PLXDC2: variants seen among roughly 807,000 people sequenced by gnomAD.
PLXDC2 encodes plexin domain containing 2.
In PLXDC2, 40 loss-of-function variants were observed where a neutral mutation model predicts 68.9. That is an observed-to-expected ratio of 0.58 (90% CI 0.45 to 0.76). The LOEUF is 0.76. PLXDC2 is among the 30% of genes least tolerant of loss of function. PLXDC2 has a pLI of 0.00. For missense variants in PLXDC2, 644 were observed against 661.9 expected (o/e 0.97, Z 0.30); for synonymous variants, 243 against 234.2 (o/e 1.04, Z -0.34).
chr10:19,879,141 C>T (rs1837684106), intron 1 of PLXDC2, among the ~76,000 whole-genome samples: 1 of 152,170 alleles, frequency 6.6e-6, no homozygotes, highest in Non-Finnish European at 1.5e-5. Flanking sequence ...GGAAAAATAA[C>T]ATCCCTTCAT....
At position 20,001,821 on chromosome 10, in the gene PLXDC2, G is replaced by C; in HGVS notation, c.159G>C (p.Glu53Asp). 1 of 1,614,072 alleles carries C rather than the reference G, an allele frequency of 6.2e-7. No homozygotes were observed. Among genetic ancestry groups the C allele is most frequent in the Non-Finnish European group, 8.5e-7 (1 of 1,179,998 alleles). Residue 53 changes from glutamate to aspartate, a missense_variant, in exon 2 of 14, where the codon GAG becomes GAC. Glu to Asp is a conservative substitution (Grantham distance 45). This residue lies in a region of PLXDC2 where 201 missense variants were observed against 166.9 expected (regional missense o/e 1.20). Coordinates refer to ENST00000377252, the MANE Select transcript of PLXDC2 (RefSeq NM_032812.9). Reference sequence around the variant, plus strand: ...AGGCCTTCCCTCACACAGAGGAGGAGGTGGAAGTTGATTCACACGCGTACA... The same window carrying C: ...AGGCCTTCCCTCACACAGAGGAGGACGTGGAAGTTGATTCACACGCGTACA... ...VTQAFPHTEE[E>D]VEVDSHAYSH...
At chr10:20,139,953 T>C (rs912022893) in intron 4 of PLXDC2, among the ~76,000 whole-genome samples, 1 of 152,076 alleles carries the variant, frequency 6.6e-6, no homozygotes, top group Non-Finnish European at 1.5e-5. Flanking sequence ...TGTATACCTA[T>C]GTAACAAACC....
intron 13 of PLXDC2, among the ~76,000 whole-genome samples, chr10:20,259,188 A>T (rs952158033): frequency 6.6e-6 from 1 of 152,158 alleles, no homozygotes. Context: ...ATCTCAGCAC[A>T]TAGCAGAACA....
At chr10:20,279,109 T>G (rs920109686) in intron 13 of PLXDC2, among the ~76,000 whole-genome samples, 1 of 152,210 alleles carries the variant, frequency 6.6e-6, no homozygotes, top group Non-Finnish European at 1.5e-5. Context: ...TTTTAGGATA[T>G]AACAGCTTTA....
At chr10:19,839,766 A>G (rs1016768911) in intron 1 of PLXDC2, among the ~76,000 whole-genome samples, 2 of 152,132 alleles carry the variant, frequency 1.3e-5, no homozygotes, top group African/African-American at 4.8e-5. Context: ...ATTAATGTGT[A>G]ACGGCAGACT....
In PLXDC2 at chr10:19,850,119, G is replaced by A. The variant is rs1258616729; in HGVS notation, c.112+32928G>A. ...ATATACTTTGCACCCTCTAAAGAGA[G>A]CAATGGTCAGGAGGGTGGGTGATGC... is the stretch of plus-strand genomic sequence containing the variant. On this transcript the variant is annotated intron_variant, in intron 1 of 13. Transcript: ENST00000377252. Among the ~76,000 whole-genome samples the A allele has an allele frequency of 4.6e-5, 7 of 152,276 alleles. No individual in the cohort carries two copies. In the South Asian group the frequency reaches 6.2e-4, roughly 14 times the overall value.
intron 2 of PLXDC2, among the ~76,000 whole-genome samples, chr10:20,044,562 G>A (rs1413452408): frequency 4.6e-5 from 7 of 151,862 alleles, no homozygotes; most frequent in East Asian, 3.9e-4. Flanking sequence ...CACCCGCCTC[G>A]GCCTCCCAAA....
At chr10:20,026,107 A>G (rs181918736) in intron 2 of PLXDC2, among the ~76,000 whole-genome samples, 146 of 152,132 alleles carry the variant, frequency 9.6e-4, no homozygotes, top group African/African-American at 3.3e-3. Flanking sequence ...TTTCTTTTGG[A>G]CTTTTCATCT....
intron 1 of PLXDC2, among the ~76,000 whole-genome samples, chr10:19,950,834 A>G (rs1833979935): frequency 6.6e-6 from 1 of 152,226 alleles, no homozygotes; most frequent in Non-Finnish European, 1.5e-5. Context: ...TAGAGAACTC[A>G]GAAATAAAGC....
intron 4 of PLXDC2, among the ~76,000 whole-genome samples, chr10:20,108,373 T>G (rs1564317939): frequency 6.6e-6 from 1 of 152,158 alleles, no homozygotes; most frequent in Non-Finnish European, 1.5e-5. Context: ...CCTACAATTC[T>G]TAGGAAATGT....
chr10:19,868,358 A>G (rs368913896), intron 1 of PLXDC2, among the ~76,000 whole-genome samples: 48 of 152,254 alleles, frequency 3.2e-4, no homozygotes, highest in East Asian at 2.9e-3. Context: ...AGGTAGTTTT[A>G]TATGAGATTT....
At chr10:20,138,310 G>T (rs1431861423) in intron 4 of PLXDC2, among the ~76,000 whole-genome samples, 3 of 152,224 alleles carry the variant, frequency 2.0e-5, no homozygotes, top group East Asian at 3.9e-4. Context: ...TCATCTGGTG[G>T]CAATTTTAAC....
chr10:20,217,645 A>C, intron 11 of PLXDC2, 69 bp downstream of exon 11: 1 of 1,423,098 alleles, frequency 7.0e-7, no homozygotes. Flanking sequence ...AGGAAAAATC[A>C]CTGTGTTGAC....
chr10:19,889,559 A>C (rs554014389), intron 1 of PLXDC2, among the ~76,000 whole-genome samples: 39 of 152,348 alleles, frequency 2.6e-4, no homozygotes, highest in South Asian at 4.1e-4. Context: ...TGCTAGGGTT[A>C]TAAAATGGAG....
intron 4 of PLXDC2, among the ~76,000 whole-genome samples, chr10:20,095,301 T>C (rs1201665593): frequency 6.6e-6 from 1 of 152,156 alleles, no homozygotes; most frequent in Non-Finnish European, 1.5e-5. Flanking sequence ...TATTAGACAG[T>C]ACAGGTCTAC....
intron 1 of PLXDC2, among the ~76,000 whole-genome samples, chr10:19,826,220 CA>C (rs564925052): frequency 2.6e-5 from 4 of 152,194 alleles, no homozygotes; most frequent in African/African-American, 9.6e-5. Flanking sequence ...TAAGATTGCC[CA>C]AAATGTACTG....
intron 4 of PLXDC2, among the ~76,000 whole-genome samples, chr10:20,092,183 T>C (rs1833288302): frequency 6.6e-6 from 1 of 152,178 alleles, no homozygotes; most frequent in Non-Finnish European, 1.5e-5. Flanking sequence ...ATTTATGAAA[T>C]ACCGCATAAG....
At chr10:19,888,383 C>T (rs1263270627) in intron 1 of PLXDC2, among the ~76,000 whole-genome samples, 1 of 152,150 alleles carries the variant, frequency 6.6e-6, no homozygotes, top group Non-Finnish European at 1.5e-5. Flanking sequence ...TGATCTCCAA[C>T]AGACTCTTTG....
intron 9 of PLXDC2, among the ~76,000 whole-genome samples, chr10:20,178,114 T>G (rs934807554): frequency 6.6e-6 from 1 of 152,162 alleles, no homozygotes; most frequent in Admixed American, 6.6e-5. Context: ...ACATTCTTAG[T>G]AAATTTCTAT....
Sources: allele counts gnomAD v4.1 joint callset (sites outside exome capture counted in the v4.1 genomes callset), GRCh38; gene constraint gnomAD v4.1.1; regional missense constraint gnomAD v4.1.1; transcripts MANE v1.5; gene names NCBI Gene and HGNC (gene_info 2026-07-23, HGNC 2026-07-21).